WWOX: variants seen among roughly 807,000 people sequenced by gnomAD.
The protein encoded by WWOX is WW domain containing oxidoreductase.
A neutral mutation model predicts 46.2 loss-of-function variants in WWOX; 69 were observed. That is an observed-to-expected ratio of 1.49 (90% CI 1.23 to 1.82). The LOEUF is 1.82. Among genes scored for constraint, WWOX ranks in the 40% most tolerant of loss-of-function variants. The pLI is 0.00. For synonymous variants in WWOX, 359 were observed against 202.6 expected (o/e 1.77, Z -6.56); for missense variants, 919 against 542.6 (o/e 1.69, Z -6.89).
chr16:78,423,276 A>T (rs764716503), intron 6 of WWOX, among the ~76,000 whole-genome samples: 4 of 152,020 alleles, frequency 2.6e-5, no homozygotes, highest in African/African-American at 4.8e-5. Context: ...AAATACATTA[A>T]ATTTTATTTT....
At chr16:78,100,050 C>T (rs533633012) in intron 1 of WWOX, 165 bp downstream of exon 1, 6 of 1,415,364 alleles carry the variant, frequency 4.2e-6, no homozygotes, top group East Asian at 6.0e-5. Flanking sequence ...CCAGTAGGGG[C>T]CGGCCCCCTT....
At chr16:78,486,595 G>GTTTTGTTTTGTTTTCTTTTGTTTTC (rs2084644359) in intron 8 of WWOX, among the ~76,000 whole-genome samples, 1 of 136,374 alleles carries the variant, frequency 7.3e-6, no homozygotes, top group African/African-American at 2.8e-5. Flanking sequence ...GTTTTGTTTT[G>GTTTTGTTTTGTTTTCTTTTGTTTTC]AAACAGTCTC....
chr16:78,479,668 A>G (rs575180237), intron 8 of WWOX, among the ~76,000 whole-genome samples: 1 of 152,334 alleles, frequency 6.6e-6, no homozygotes, highest in East Asian at 1.9e-4. Flanking sequence ...ATGGAGGTTC[A>G]TCTGTAGAAT....
intron 8 of WWOX, chr16:78,873,344 C>T (rs563816618): frequency 2.0e-4 from 31 of 152,310 alleles, no homozygotes; most frequent in African/African-American, 7.2e-4. Context: ...GAGATCTGGT[C>T]ATCACCCTTC....
intron 8 of WWOX, among the ~76,000 whole-genome samples, chr16:78,554,466 A>T (rs1254945437): frequency 1.3e-5 from 2 of 152,194 alleles, no homozygotes; most frequent in Non-Finnish European, 2.9e-5. Flanking sequence ...GTTCTGGCTG[A>T]TGGGTTGGTA....
chr16:78,520,321 C>T (rs16947913), intron 8 of WWOX, among the ~76,000 whole-genome samples: 1 of 151,990 alleles, frequency 6.6e-6, no homozygotes, highest in Non-Finnish European at 1.5e-5. Context: ...GTGGATGGTA[C>T]TTAAGGATAC....
At chr16:78,786,693 C>G (rs1193887097) in intron 8 of WWOX, among the ~76,000 whole-genome samples, 5 of 152,138 alleles carry the variant, frequency 3.3e-5, no homozygotes, top group East Asian at 1.9e-4. Context: ...ACTCTGTGCC[C>G]ATAGTTGGCA....
chr16:78,943,775 C>G (rs1400871084), intron 8 of WWOX, among the ~76,000 whole-genome samples: 1 of 152,162 alleles, frequency 6.6e-6, no homozygotes, highest in Non-Finnish European at 1.5e-5. Context: ...CTGGATCCCA[C>G]AATTTGAAGG....
At chr16:78,322,093 A>C (rs1249223376) in intron 5 of WWOX, among the ~76,000 whole-genome samples, 1 of 152,130 alleles carries the variant, frequency 6.6e-6, no homozygotes, top group African/African-American at 2.4e-5. Flanking sequence ...AATGGTTTCA[A>C]TTTCATCCTA....
intron 8 of WWOX, among the ~76,000 whole-genome samples, chr16:78,938,824 T>A (rs2045794795): frequency 1.3e-5 from 2 of 152,136 alleles, no homozygotes; most frequent in Admixed American, 1.3e-4. Context: ...GAGAGCAGTC[T>A]AATTTCAGGA....
At chr16:78,696,948 A>G (rs931322540) in intron 8 of WWOX, among the ~76,000 whole-genome samples, 1 of 152,208 alleles carries the variant, frequency 6.6e-6, no homozygotes, top group Non-Finnish European at 1.5e-5. Flanking sequence ...CTTCACTTAG[A>G]ATAATGGTCT....
chr16:78,959,576 T>G (rs979123891), intron 8 of WWOX, among the ~76,000 whole-genome samples: 4 of 152,126 alleles, frequency 2.6e-5, no homozygotes, highest in Non-Finnish European at 5.9e-5. Context: ...TCCATCTACT[T>G]CTAGGTTGTG....
intron 8 of WWOX, among the ~76,000 whole-genome samples, chr16:78,734,169 G>A (rs1422764271): frequency 2.0e-5 from 3 of 152,120 alleles, no homozygotes; most frequent in Non-Finnish European, 4.4e-5. Context: ...TCTAGTTAGA[G>A]ACTTAGGATT....
At chr16:78,796,125 G>A (rs758686021) in intron 8 of WWOX, among the ~76,000 whole-genome samples, 3 of 152,162 alleles carry the variant, frequency 2.0e-5, no homozygotes, top group Non-Finnish European at 2.9e-5. Flanking sequence ...ATTTAGAAAC[G>A]CCCCTTGCCT....
chr16:78,786,536 TTTAA>T (rs1292953140), intron 8 of WWOX, among the ~76,000 whole-genome samples: 7 of 152,240 alleles, frequency 4.6e-5, no homozygotes, highest in Non-Finnish European at 8.8e-5. Flanking sequence ...ATGTTTTTCT[TTTAA>T]TTGTTTTATT....
intron 8 of WWOX, among the ~76,000 whole-genome samples, chr16:78,880,170 A>G (rs2044314498): frequency 6.6e-6 from 1 of 152,240 alleles, no homozygotes; most frequent in Non-Finnish European, 1.5e-5. Flanking sequence ...CAAATCAGAC[A>G]TCAGAAAAGA....
chr16:78,366,896 C>T (rs1021417282), intron 5 of WWOX, among the ~76,000 whole-genome samples: 1 of 151,010 alleles, frequency 6.6e-6, no homozygotes, highest in African/African-American at 2.4e-5. Context: ...TTGCTTAATC[C>T]AAAGCCTGGG....
At chr16:78,657,222 C>G (rs139380001) in intron 8 of WWOX, among the ~76,000 whole-genome samples, 1 of 152,158 alleles carries the variant, frequency 6.6e-6, no homozygotes, top group Non-Finnish European at 1.5e-5. Context: ...TCTCCACCAT[C>G]ACCCCTTTTG....
At chr16:78,608,545 G>T (rs1391569571) in intron 8 of WWOX, among the ~76,000 whole-genome samples, 1 of 152,160 alleles carries the variant, frequency 6.6e-6, no homozygotes, top group African/African-American at 2.4e-5. Context: ...GAGCCACTCT[G>T]TGCAGAAATG....
Sources: gnomAD v4.1 joint callset for allele counts (sites outside exome capture counted in the v4.1 genomes callset) on GRCh38, gnomAD v4.1.1 for gene constraint, MANE v1.5 for transcripts, NCBI Gene and HGNC (gene_info 2026-07-23, HGNC 2026-07-21) for gene names.